TP63: variants seen among roughly 807,000 people sequenced by gnomAD.
TP63 encodes tumor protein 63.
In TP63, 17 loss-of-function variants were observed where a neutral mutation model predicts 82.8. The ratio of observed to expected loss-of-function variants is 0.21; its 90% CI spans 0.14 to 0.31. TP63 has a LOEUF of 0.31. Among genes scored for constraint, TP63 ranks in the 10% least tolerant of loss-of-function variants. The pLI, the probability that TP63 is intolerant of heterozygous loss-of-function variation, is 1.00. For synonymous variants in TP63, 330 were observed against 321.7 expected, an observed-to-expected ratio of 1.03 and a Z score of -0.28; for missense variants, 648 against 895.3, an observed-to-expected ratio of 0.72 and a Z score of 3.52.
chr3:189,783,808 C>T (rs1461135408), intron 3 of TP63, among the ~76,000 whole-genome samples: 1 of 151,668 alleles, frequency 6.6e-6, no homozygotes, highest in Admixed American at 6.6e-5. Flanking sequence ...AAAAGATAAT[C>T]CTCTCAGTGC....
chr3:189,872,816 C>T (rs1560285574), intron 9 of TP63, 43 bp from the exon 10 acceptor site: 4 of 1,613,750 alleles, frequency 2.5e-6, no homozygotes, highest in Admixed American at 1.7e-5. Context: ...AACAGTTCTA[C>T]AGCTTTTCAT....
chr3:189,695,953 T>C (rs1470588273), intron 1 of TP63, among the ~76,000 whole-genome samples: 1 of 152,198 alleles, frequency 6.6e-6, no homozygotes, highest in African/African-American at 2.4e-5. Context: ...TCCCTTCCAC[T>C]TCTTTAGTGA....
chr3:189,626,003 A>G, the TP63 span, among the ~76,000 whole-genome samples: 1 of 152,186 alleles, frequency 6.6e-6, no homozygotes, highest in Non-Finnish European at 1.5e-5. Context: ...TAACTTAACT[A>G]TAAATGTTTA....
intron 3 of TP63, among the ~76,000 whole-genome samples, chr3:189,807,385 T>C (rs1474754533): frequency 6.6e-6 from 1 of 152,242 alleles, no homozygotes; most frequent in Non-Finnish European, 1.5e-5. Context: ...TGAGGCAAAA[T>C]TAATTTATTC....
intron 3 of TP63, among the ~76,000 whole-genome samples, chr3:189,785,735 T>G (rs539561071): frequency 6.6e-6 from 1 of 152,122 alleles, no homozygotes; most frequent in Admixed American, 6.6e-5. Flanking sequence ...TTGAATGCCA[T>G]TCTAAGTAAT....
intron 4 of TP63, among the ~76,000 whole-genome samples, chr3:189,831,384 G>T (rs554571148): frequency 3.9e-5 from 6 of 152,100 alleles, no homozygotes; most frequent in African/African-American, 1.4e-4. Flanking sequence ...TGCTGTGAGG[G>T]TATTTCTTAA....
chr3:189,823,466 A>G (rs778971039), intron 4 of TP63, among the ~76,000 whole-genome samples: 1 of 152,170 alleles, frequency 6.6e-6, no homozygotes, highest in Non-Finnish European at 1.5e-5. Context: ...ATGCAGACGC[A>G]CACTGTGGAG....
At chr3:189,621,423 A>G in the TP63 span, among the ~76,000 whole-genome samples, 1 of 152,090 alleles carries the variant, frequency 6.6e-6, no homozygotes, top group East Asian at 1.9e-4. Flanking sequence ...TGACCAATAA[A>G]TATTCTCTGT....
intron 10 of TP63, chr3:189,880,557 G>A (rs1719804801): frequency 1.0e-6 from 1 of 988,442 alleles, no homozygotes; most frequent in Non-Finnish European, 1.2e-6. Context: ...AAATTCACAG[G>A]GAAGCTTTTG....
chr3:189,754,375 A>G (rs1229797503), intron 3 of TP63, among the ~76,000 whole-genome samples: 1 of 152,168 alleles, frequency 6.6e-6, no homozygotes, highest in Non-Finnish European at 1.5e-5. Context: ...TTCTATATAG[A>G]ATTGGATTAT....
At chr3:189,797,303 C>T (rs1047550821) in intron 3 of TP63, among the ~76,000 whole-genome samples, 2 of 152,082 alleles carry the variant, frequency 1.3e-5, no homozygotes, top group Admixed American at 6.6e-5. Context: ...GCTAAAGCCA[C>T]TAATAGGTGC....
chr3:189,780,209 CTAGGG>C (rs1423914446), intron 3 of TP63, among the ~76,000 whole-genome samples: 1 of 152,160 alleles, frequency 6.6e-6, no homozygotes, highest in Non-Finnish European at 1.5e-5. Context: ...AACAGAGGAA[CTAGGG>C]TCTACAGAGC....
Position 189,767,704 on chromosome 3 carries a change from A to C in TP63, c.324+28930A>C, listed in dbSNP as rs542620356. Reference sequence around the variant, plus strand: ...CAAGTTTTACCATATAGAGTGTAGGATACTAAATTGTCTGATAGACAATAG... The same window carrying C: ...CAAGTTTTACCATATAGAGTGTAGGCTACTAAATTGTCTGATAGACAATAG... On this transcript the variant is annotated intron_variant, in intron 3 of 13. Transcript: ENST00000264731. Among the ~76,000 whole-genome samples the C allele has an allele frequency of 7.9e-5, 12 of 152,330 alleles. No homozygotes were observed. In the South Asian group the frequency reaches 2.3e-3, roughly 29 times the overall value.
At chr3:189,639,307 T>C (rs1264282688) in intron 1 of TP63, among the ~76,000 whole-genome samples, 2 of 152,158 alleles carry the variant, frequency 1.3e-5, no homozygotes, top group East Asian at 1.9e-4. Flanking sequence ...TGATGTGTAC[T>C]TATTGGTTAG....
chr3:189,823,317 C>T (rs1213946713), intron 4 of TP63, among the ~76,000 whole-genome samples: 1 of 152,176 alleles, frequency 6.6e-6, no homozygotes, highest in East Asian at 1.9e-4. Flanking sequence ...TTAACTCTAT[C>T]GCATGGGCAG....
intron 1 of TP63, among the ~76,000 whole-genome samples, chr3:189,675,697 T>C (rs6444390): frequency 1 from 151,681 of 152,214 alleles, 75,578 homozygotes; most frequent in Middle Eastern, 1. Flanking sequence ...GGCACGGTTA[T>C]GTCTCCTGCT....
intron 10 of TP63, among the ~76,000 whole-genome samples, chr3:189,876,662 T>A (rs1719263114): frequency 6.6e-6 from 1 of 152,228 alleles, no homozygotes; most frequent in Non-Finnish European, 1.5e-5. Context: ...ATTATGTCTT[T>A]GTAACATTAT....
chr3:189,718,096 C>G (rs1719098419), intron 1 of TP63, among the ~76,000 whole-genome samples: 1 of 152,094 alleles, frequency 6.6e-6, no homozygotes, highest in African/African-American at 2.4e-5. Flanking sequence ...GGATATATCA[C>G]AAGCATCTAC....
chr3:189,673,896 A>G (rs1367837571), intron 1 of TP63, among the ~76,000 whole-genome samples: 2 of 152,154 alleles, frequency 1.3e-5, no homozygotes, highest in African/African-American at 4.8e-5. Context: ...ACTTAATAGA[A>G]GTACAGCAAA....
Sources: allele counts gnomAD v4.1 joint callset (sites outside exome capture counted in the v4.1 genomes callset), GRCh38; gene constraint gnomAD v4.1.1; transcripts MANE v1.5; gene names NCBI Gene and HGNC (gene_info 2026-07-23, HGNC 2026-07-21).